The following DRAM2 variants were observed in gnomAD, a reference collection of about 807,000 sequenced individuals.
DRAM2 encodes DNA damage regulated autophagy modulator 2, also known as DNA damage-regulated autophagy modulator protein 2.
DRAM2 carries 26 observed loss-of-function variants against 33.5 expected under a neutral mutation model. The observed-to-expected ratio is 0.78, with a 90% CI of 0.57 to 1.08. The LOEUF (loss-of-function observed/expected upper bound fraction) is 1.08. DRAM2 is among the 50% of genes least tolerant of loss of function. The pLI, the probability that DRAM2 is intolerant of heterozygous loss-of-function variation, is 0.00. For synonymous variants in DRAM2, 98 were observed against 109.5 expected, an observed-to-expected ratio of 0.89 and a Z score of 0.66; for missense variants, 311 against 318.1, an observed-to-expected ratio of 0.98 and a Z score of 0.17.
chr1:111,120,985 G>A (rs1317067568), intron 6 of DRAM2, among the ~76,000 whole-genome samples: 1 of 151,746 alleles, frequency 6.6e-6, no homozygotes, highest in Non-Finnish European at 1.5e-5. Flanking sequence ...GTGCCTATTA[G>A]GTGCTAGGCA....
At chr1:111,120,007 A>G (rs1303376374) in intron 7 of DRAM2, 48 bp from the exon 8 acceptor site, 2 of 1,491,248 alleles carry the variant, frequency 1.3e-6, no homozygotes, top group African/African-American at 2.8e-5. Context: ...ATCTCAGAGA[A>G]CAAAAATCAC....
chr1:111,133,797 C>T (rs1348137355), intron 3 of DRAM2, among the ~76,000 whole-genome samples: 1 of 152,258 alleles, frequency 6.6e-6, no homozygotes, highest in Admixed American at 6.5e-5. Flanking sequence ...GTCATGCTCT[C>T]TAGCACACCT....
chr1:111,125,330 T>C (rs568710565), intron 5 of DRAM2: 1 of 153,204 alleles, frequency 6.5e-6, no homozygotes, highest in Admixed American at 6.5e-5. Flanking sequence ...GAATCAGCAC[T>C]AGTTATAGAA....
chr1:111,117,914 CTT>C lies in DRAM2; in HGVS notation c.*244_*245del, dbSNP rs1340793317. On this transcript the variant is annotated 3_prime_UTR_variant, in exon 10 of 10. Coordinates refer to ENST00000484310, the MANE Select transcript of DRAM2 (RefSeq NM_001349884.2). Reference sequence around the variant, plus strand: ...GTATAAAAAACTATGATATCATAGTCTTTTGACTTTATTTTCTGAGATAAAAA... The same window carrying C: ...GTATAAAAAACTATGATATCATAGTCTTGACTTTATTTTCTGAGATAAAAA... 2.0e-6 allele frequency: 1 copy of C among 493,664 alleles called. No individual in the cohort carries two copies. The highest frequency in any genetic ancestry group is 3.6e-6 in the Non-Finnish European group (1 of 276,602). The allele number at this position is 493,664 out of a possible 1,614,324, so 30.6% of individuals were successfully genotyped here. A position where few individuals can be genotyped will look rare whatever the true frequency, so the allele number is the denominator to read the frequency against.
intron 8 of DRAM2, 43 bp from the exon 9 acceptor site, chr1:111,118,940 TA>T: frequency 7.3e-7 from 1 of 1,376,438 alleles, no homozygotes; most frequent in Non-Finnish European, 1.0e-6. Flanking sequence ...AAATTTCATT[TA>T]AACGATCTAT....
At chr1:111,137,474 A>G (rs916874912) in intron 3 of DRAM2, 49 bp downstream of exon 3, 1 of 152,312 alleles carries the variant, frequency 6.6e-6, no homozygotes, top group South Asian at 2.1e-4. Flanking sequence ...TTATTTTCAG[A>G]GATGATCAGT....
chr1:111,136,294 C>T (rs180991805), intron 3 of DRAM2, among the ~76,000 whole-genome samples: 140 of 152,236 alleles, frequency 9.2e-4, no homozygotes, highest in Non-Finnish European at 1.6e-3. Context: ...AGGCTGGGTG[C>T]GGTGGCTCAG....
At chr1:111,125,653 A>T (rs1437643164) in intron 5 of DRAM2, 1 of 152,270 alleles carries the variant, frequency 6.6e-6, no homozygotes, top group Non-Finnish European at 1.5e-5. Context: ...TTTTTGACCT[A>T]AGCAAATAAT....
intron 4 of DRAM2, among the ~76,000 whole-genome samples, chr1:111,127,386 G>A (rs942575789): frequency 5.9e-5 from 9 of 151,898 alleles, no homozygotes; most frequent in Non-Finnish European, 1.0e-4. Context: ...GATTAGGGGT[G>A]TTAGGAAATG....
chr1:111,126,389 C>T (rs2101051865), intron 4 of DRAM2, 95 bp from the exon 5 acceptor site: 1 of 701,772 alleles, frequency 1.4e-6, no homozygotes, highest in South Asian at 1.9e-5. Context: ...TAATTCAAAC[C>T]TCTTATCTTT....
chr1:111,133,200 CAG>C (rs1430926117), intron 3 of DRAM2, among the ~76,000 whole-genome samples: 1 of 135,080 alleles, frequency 7.4e-6, no homozygotes, highest in African/African-American at 2.8e-5. Context: ...TTTTTTGAGA[CAG>C]AGTGTCACTG....
intron 4 of DRAM2, among the ~76,000 whole-genome samples, chr1:111,129,369 T>C (rs1226536964): frequency 2.0e-5 from 3 of 152,214 alleles, no homozygotes; most frequent in Non-Finnish European, 4.4e-5. Flanking sequence ...TGGACCTAAC[T>C]ATATTCCAGG....
chr1:111,122,559 TAG>T (rs1315732969), intron 6 of DRAM2: 2 of 152,004 alleles, frequency 1.3e-5, no homozygotes, highest in African/African-American at 4.8e-5. Context: ...ATAAATCACC[TAG>T]AGTTTGTCTC....
At chr1:111,126,819 G>T (rs116918157) in intron 4 of DRAM2, among the ~76,000 whole-genome samples, 75 of 152,276 alleles carry the variant, frequency 4.9e-4, no homozygotes, top group African/African-American at 1.8e-3. Flanking sequence ...CCCTGCCCTC[G>T]CGGAGCTTAC....
At chr1:111,118,352 G>A in intron 9 of DRAM2, 85 bp from the exon 10 acceptor site, 1 of 844,764 alleles carries the variant, frequency 1.2e-6, no homozygotes, top group East Asian at 2.6e-5. Flanking sequence ...GCTACCTTGT[G>A]ATTATGAATG....
rs1482389421 is a variant in DRAM2 at position 111,139,483 on chromosome 1, T to C, written c.-79+18A>G. ...CTCGCTCCCTCCAGCCACCAAAGTA[T>C]CTGAACCCAGAACTCACAACAGGAA... On this transcript the variant is annotated intron_variant, in intron 2 of 9. Coordinates refer to ENST00000484310, the MANE Select transcript of DRAM2 (RefSeq NM_001349884.2). 1 of 152,234 alleles carries C rather than the reference T, an allele frequency of 6.6e-6. No individual in the cohort carries two copies. The highest frequency in any genetic ancestry group is 1.5e-5 in the Non-Finnish European group (1 of 68,114). 9.4% of individuals were successfully genotyped at this position (152,234 alleles called of 1,614,324 possible). A position where few individuals can be genotyped will look rare whatever the true frequency, so the allele number is the denominator to read the frequency against.
intron 5 of DRAM2, among the ~76,000 whole-genome samples, chr1:111,125,809 G>A (rs1650897143): frequency 6.6e-6 from 1 of 152,162 alleles, no homozygotes; most frequent in Admixed American, 6.6e-5. Context: ...GCATTAGAAT[G>A]TTGCTCAAAA....
intron 2 of DRAM2, chr1:111,139,142 TAA>T (rs1298871307): frequency 6.6e-6 from 1 of 152,242 alleles, no homozygotes; most frequent in Non-Finnish European, 1.5e-5. Context: ...TCTAGAAAAT[TAA>T]GTTTTTTTAT....
Position 111,126,250 on chromosome 1 carries a change from A to G in DRAM2, c.176T>C (p.Met59Thr). 1 of 1,611,312 alleles carries G rather than the reference A, an allele frequency of 6.2e-7. No individual in the cohort carries two copies. The highest frequency in any genetic ancestry group is 2.2e-5 in the East Asian group (1 of 44,744). The change falls in exon 5 of 10, where the codon ATG becomes ACG. Residue 59 changes from methionine to threonine, a missense_variant. By Grantham distance (81) the Met-to-Thr change is moderately conservative. Coordinates refer to ENST00000484310, the MANE Select transcript of DRAM2 (RefSeq NM_001349884.2). ...VAPEKCLFGAMLNIAAVLCIA... is the reference protein window; with the variant it reads ...VAPEKCLFGATLNIAAVLCIA... ...ACATAAAACTGCCGCAATATTTAGCATTGCCCCAAATAAGCATTTTTCTGG... is the reference window on the plus strand; with the variant it reads ...ACATAAAACTGCCGCAATATTTAGCGTTGCCCCAAATAAGCATTTTTCTGG...
Sources: gnomAD v4.1 joint callset for allele counts (sites outside exome capture counted in the v4.1 genomes callset) on GRCh38, gnomAD v4.1.1 for gene constraint, MANE v1.5 for transcripts, NCBI Gene and HGNC (gene_info 2026-07-23, HGNC 2026-07-21) for gene names.